Variants in SHMT2 observed in about 807,000 individuals in gnomAD.
SHMT2 encodes the protein serine hydroxymethyltransferase 2.
In SHMT2, 38 loss-of-function variants were observed where a neutral mutation model predicts 59.6. The ratio of observed to expected loss-of-function variants is 0.64; its 90% CI spans 0.49 to 0.84. The LOEUF is 0.84. SHMT2 is among the 40% of genes least tolerant of loss of function. The probability of loss-of-function intolerance (pLI) is 0.00; values close to 1 mark genes in which losing one functional copy is unlikely to be tolerated. For missense variants in SHMT2, 533 were observed against 659.5 expected (o/e 0.81, Z 2.10); for synonymous variants, 254 against 258.1 (o/e 0.98, Z 0.15).
Position 57,229,903 on chromosome 12 carries a change from G to T in SHMT2, c.33+92G>T, listed in dbSNP as rs1293547340. 6 of 1,563,564 alleles carry T rather than the reference G, an allele frequency of 3.8e-6. No homozygotes were observed. In the Admixed American group the frequency reaches 1.1e-4, roughly 29 times the overall value. On this transcript the variant is annotated intron_variant, in intron 1 of 11. Coordinates refer to ENST00000328923, the MANE Select transcript of SHMT2 (RefSeq NM_005412.6). ...AGTCACAAACTCTGGGGTTCTCTTGGCTTTTCCATGCACGTGGATTGGGGC... is the reference window on the plus strand; with the variant it reads ...AGTCACAAACTCTGGGGTTCTCTTGTCTTTTCCATGCACGTGGATTGGGGC...
intron 1 of SHMT2, 56 bp from the exon 2 acceptor site, chr12:57,230,747 C>T (rs2037279931): frequency 5.0e-6 from 8 of 1,588,472 alleles, no homozygotes; most frequent in South Asian, 2.3e-5. Context: ...TGAGGGTGGC[C>T]GGGAGACGAT....
In SHMT2 at chr12:57,231,612, C is replaced by T. The variant is rs370553351; in HGVS notation, c.311+52C>T. 7.4e-4 allele frequency: 1,192 copies of T among 1,611,774 alleles called. 3 individuals are homozygous for T. Among genetic ancestry groups the T allele is most frequent in the South Asian group, 1.6e-3 (142 of 91,024 alleles). ...ATGGTGCTCCCAGTGGGGGAACCCA[C>T]CTGTACCTTCCCAGTGTTCATTGAG... On this transcript the variant is annotated intron_variant, in intron 3 of 11. Coordinates refer to ENST00000328923, the MANE Select transcript of SHMT2 (RefSeq NM_005412.6).
At chr12:57,233,534 G>C in intron 8 of SHMT2, 29 bp from the exon 9 acceptor site, 1 of 1,600,178 alleles carries the variant, frequency 6.2e-7, no homozygotes. Flanking sequence ...CCAGGCCTAG[G>C]GTGACAGCTG....
At position 57,233,173 on chromosome 12, in the gene SHMT2, C is replaced by CA. The variant is rs1370264569; in HGVS notation, c.858-6dup. On this transcript the variant is annotated splice_region_variant and splice_polypyrimidine_tract_variant and intron_variant, in intron 7 of 11. Coordinates refer to ENST00000328923, the MANE Select transcript of SHMT2 (RefSeq NM_005412.6). ...GCTTAGACTCTGACCATCCACCTCT[C>CA]ACACAGGTCAGGGCTCATCTTCTAC... 2.0e-5 allele frequency: 30 copies of CA among 1,530,432 alleles called. No homozygotes were observed. The highest frequency in any genetic ancestry group is 2.5e-5 in the Non-Finnish European group (28 of 1,137,468). 94.8% of individuals were successfully genotyped at this position (1,530,432 alleles called of 1,614,324 possible). A position where few individuals can be genotyped will look rare whatever the true frequency, so the allele number is the denominator to read the frequency against.
intron 2 of SHMT2, 114 bp downstream of exon 2, chr12:57,231,114 G>A (rs2037298388): frequency 9.7e-7 from 1 of 1,034,872 alleles, no homozygotes; most frequent in African/African-American, 1.6e-5. Context: ...CCTTTCTTTG[G>A]GCTTTATCTT....
chr12:57,230,025 C>T, intron 1 of SHMT2: 2 of 1,425,926 alleles, frequency 1.4e-6, no homozygotes, highest in Non-Finnish European at 1.8e-6. Flanking sequence ...TCAGACGCCC[C>T]AGGGCCTCGT....
At chr12:57,230,132 C>G (rs2037250834) in intron 1 of SHMT2, 1 of 1,321,564 alleles carries the variant, frequency 7.6e-7, no homozygotes, top group Non-Finnish European at 9.8e-7. Context: ...CCTGGTCTCA[C>G]AAGCTGAGCC....
chr12:57,230,542 G>A, intron 1 of SHMT2: 1 of 1,358,336 alleles, frequency 7.4e-7, no homozygotes, highest in Non-Finnish European at 9.5e-7. Flanking sequence ...AAGCTTTGCA[G>A]AGTGGTTCAT....
intron 4 of SHMT2, 85 bp from the exon 5 acceptor site, chr12:57,232,126 G>A (rs1044617454): frequency 1.5e-6 from 2 of 1,305,452 alleles, no homozygotes; most frequent in African/African-American, 2.9e-5. Flanking sequence ...TGGTGTTCTG[G>A]GGACAGAGAA....
intron 1 of SHMT2, 79 bp downstream of exon 1, chr12:57,229,890 TGG>T: frequency 6.3e-7 from 1 of 1,584,566 alleles, no homozygotes; most frequent in Non-Finnish European, 8.6e-7. Flanking sequence ...TCACAAACTC[TGG>T]GGTTCTCTTG....
chr12:57,231,402 C>T, intron 2 of SHMT2, 79 bp from the exon 3 acceptor site: 1 of 1,467,818 alleles, frequency 6.8e-7, no homozygotes, highest in Non-Finnish European at 9.4e-7. Context: ...GCTTTCAGCT[C>T]TGGCTCTGGC....
Position 57,234,353 on chromosome 12 carries a change from G to A in SHMT2, c.1507G>A (p.Glu503Lys), listed in dbSNP as rs2037465555. ...GGCCTTCCCCATGCCTGGTTTTGATGAGCATTGAAGGCACCTGGGAAATGA... is the reference window on the plus strand; with the variant it reads ...GGCCTTCCCCATGCCTGGTTTTGATAAGCATTGAAGGCACCTGGGAAATGA... ...ARAFPMPGFD[E>K]H Residue 503 changes from glutamate (E) to lysine (K), a missense_variant, in exon 12 of 12, where the codon GAG becomes AAG. Physicochemically the swap from Glu to Lys is moderately conservative, Grantham distance 56. Transcript: ENST00000328923. The A allele has an allele frequency of 3.8e-6, 6 of 1,590,694 alleles. No homozygotes were observed. The highest frequency in any genetic ancestry group is 5.1e-6 in the Non-Finnish European group (6 of 1,168,564).
chr12:57,233,849 C>T lies in SHMT2; in HGVS notation c.1224C>T (p.Asn408=). ...RVLELVSITA[N]KNTCPGDRSA... is the part of the protein sequence containing the mutation. Reference sequence around the variant, plus strand: ...TAGAGCTTGTATCCATCACTGCCAACAAGAACACCTGTCCTGGAGACCGAA... The same window carrying T: ...TAGAGCTTGTATCCATCACTGCCAATAAGAACACCTGTCCTGGAGACCGAA... Residue 408 remains asparagine, a synonymous_variant, in exon 10 of 12, where the codon AAC becomes AAT. Transcript: ENST00000328923. The T allele has an allele frequency of 6.2e-7, 1 of 1,614,258 alleles. No individual in the cohort carries two copies. Among genetic ancestry groups the T allele is most frequent in the East Asian group, 2.2e-5 (1 of 44,884 alleles).
intron 6 of SHMT2, 40 bp downstream of exon 6, chr12:57,232,615 G>A (rs2037372238): frequency 6.2e-7 from 1 of 1,613,434 alleles, no homozygotes; most frequent in Non-Finnish European, 8.5e-7. Context: ...CTCCCCAGGG[G>A]GTGGTGAGGA....
intron 4 of SHMT2, 134 bp from the exon 5 acceptor site, chr12:57,232,075 CCA>C: frequency 6.2e-6 from 7 of 1,126,698 alleles, no homozygotes; most frequent in Non-Finnish European, 9.3e-6. Context: ...ATAGTGCCTA[CCA>C]CAGAGTGGAC....
chr12:57,229,996 C>G (rs1024131756), intron 1 of SHMT2, 185 bp downstream of exon 1: 5 of 1,439,688 alleles, frequency 3.5e-6, no homozygotes, highest in Non-Finnish European at 4.6e-6. Context: ...TAACTGCGAG[C>G]CTGTCCTCAT....
At position 57,232,780 on chromosome 12, in the gene SHMT2, C is replaced by T. The variant is rs2037381834; in HGVS notation, c.794C>T (p.Pro265Leu). The T allele has an allele frequency of 6.2e-7, 1 of 1,613,574 alleles. No homozygotes were observed. Among genetic ancestry groups the T allele is most frequent in the Admixed American group, 1.7e-5 (1 of 60,000 alleles). Reference protein sequence around the residue: ...ISGLVAAKVIPSPFKHADIVT... With the variant: ...ISGLVAAKVILSPFKHADIVT... The stretch of plus-strand genomic sequence containing the variant: ...GGCCTGGTGGCTGCCAAGGTGATTC[C>T]CTCGCCTTTCAAGCACGCGGACATC... The change falls in exon 7 of 12, where the codon CCC (proline) becomes CTC (leucine). Residue 265 changes from proline (P) to leucine (L), a missense_variant. Coordinates refer to ENST00000328923, the MANE Select transcript of SHMT2 (RefSeq NM_005412.6).
rs369263847 is a variant in SHMT2, at chr12:57,229,717, C to A, written c.-62C>A. The A allele has an allele frequency of 1.7e-5, 28 of 1,607,224 alleles. No homozygotes were observed. Among genetic ancestry groups the A allele is most frequent in the Non-Finnish European group, 2.3e-5 (27 of 1,173,844 alleles). ...CATGCGTTCTCCGAACGGTCTTCTT[C>A]CGACAGCTTGCTGCCCTAGACCAGA... On this transcript the variant is annotated 5_prime_UTR_variant, in exon 1 of 12. Coordinates refer to ENST00000328923, the MANE Select transcript of SHMT2 (RefSeq NM_005412.6).
In SHMT2 at chr12:57,233,573, C is replaced by T. The variant is rs1209993247; in HGVS notation, c.1034C>T (p.Pro345Leu). ...VAVALKQACT[P>L]MFREYSLQVL... ...CTGTCTCATCTCCAGGCCTGCACCC[C>T]CATGTTCCGGGAGTACTCCCTGCAG... Residue 345 changes from proline (P) to leucine (L), a missense_variant, in exon 9 of 12, where the codon CCC (proline) becomes CTC (leucine). Coordinates refer to ENST00000328923, the MANE Select transcript of SHMT2 (RefSeq NM_005412.6). The T allele has an allele frequency of 3.7e-6, 6 of 1,613,428 alleles. No individual in the cohort carries two copies. Among genetic ancestry groups the T allele is most frequent in the African/African-American group, 2.7e-5 (2 of 74,930 alleles).
Sources: gnomAD v4.1 joint callset for allele counts on GRCh38, gnomAD v4.1.1 for gene constraint, MANE v1.5 for transcripts, NCBI Gene and HGNC (gene_info 2026-07-23, HGNC 2026-07-21) for gene names.